Variants in ABCC1 observed in about 807,000 individuals in gnomAD.
ABCC1 encodes the protein ATP binding cassette subfamily C member 1 (ABCC1 blood group).
In ABCC1, 83 loss-of-function variants were observed where a neutral mutation model predicts 172.9. The observed-to-expected ratio is 0.48, with a 90% CI of 0.40 to 0.58. The LOEUF (loss-of-function observed/expected upper bound fraction) is 0.58. Ranked by LOEUF, ABCC1 falls within the 20% of genes least tolerant of loss-of-function variation. The probability of loss-of-function intolerance (pLI) is 0.00; values close to 1 mark genes in which losing one functional copy is unlikely to be tolerated. For synonymous variants in ABCC1, 937 were observed against 825.2 expected (o/e 1.14, Z -2.32); for missense variants, 1,817 against 2,002.7 (o/e 0.91, Z 1.77).
chr16:16,124,335 G>GTGTGTGTGTGTGTGTGTGTGTT, intron 24 of ABCC1, among the ~76,000 whole-genome samples: 1 of 87,984 alleles, frequency 1.1e-5, no homozygotes, highest in East Asian at 3.4e-4. Flanking sequence ...GTGTGTGTGT[G>GTGTGTGTGTGTGTGTGTGTGTT]TGTGTGTGTG....
At position 16,114,805 on chromosome 16, in the gene ABCC1, G is replaced by A. The variant is rs1294368184; in HGVS notation, c.3119G>A (p.Gly1040Glu). 6.2e-7 allele frequency: 1 copy of A among 1,607,788 alleles called. No homozygotes were observed. The highest frequency in any genetic ancestry group is 8.5e-7 in the Non-Finnish European group (1 of 1,174,784). Residue 1040 changes from glycine to glutamate, a missense_variant, in exon 23 of 31, where the codon GGG becomes GAG. Around this residue, in one of 3 missense-constraint regions of ABCC1, gnomAD observed 1,412 missense variants for 1,600.3 expected, o/e 0.88. Coordinates refer to ENST00000399410, the MANE Select transcript of ABCC1 (RefSeq NM_004996.4). Reference protein sequence around the residue: ...VFGYSMAVSIGGILASRCLHV... With the variant: ...VFGYSMAVSIEGILASRCLHV... ...GGCTACTCCATGGCCGTGTCCATCG[G>A]GGGGATCTTGGCTTCCCGCTGTCTG... is the stretch of plus-strand genomic sequence containing the variant.
chr16:15,974,004 T>C (rs1345932282), intron 1 of ABCC1, among the ~76,000 whole-genome samples: 1 of 151,966 alleles, frequency 6.6e-6, no homozygotes, highest in East Asian at 1.9e-4. Context: ...AATGTGCATA[T>C]GAATTCAAGA....
chr16:16,008,868 T>C (rs547216275), intron 2 of ABCC1, among the ~76,000 whole-genome samples: 1 of 145,526 alleles, frequency 6.9e-6, no homozygotes, highest in African/African-American at 2.6e-5. Context: ...AAAAAAAAGT[T>C]GCGATGATAC....
At chr16:16,012,981 C>G (rs1274018599) in intron 3 of ABCC1, among the ~76,000 whole-genome samples, 2 of 152,080 alleles carry the variant, frequency 1.3e-5, no homozygotes, top group Non-Finnish European at 1.5e-5. Context: ...CTGTGCCTGG[C>G]CGTTCCTGGT....
At chr16:16,066,592 C>A (rs1179565569) in intron 12 of ABCC1, among the ~76,000 whole-genome samples, 1 of 152,012 alleles carries the variant, frequency 6.6e-6, no homozygotes, top group East Asian at 1.9e-4. Context: ...TACATGTAGA[C>A]CCTTTCGAGT....
chr16:16,049,560 A>C (rs568288727), intron 10 of ABCC1, among the ~76,000 whole-genome samples: 1 of 152,260 alleles, frequency 6.6e-6, no homozygotes, highest in South Asian at 2.1e-4. Flanking sequence ...CCAAGGCTGT[A>C]ACAAACACTA....
intron 2 of ABCC1, among the ~76,000 whole-genome samples, chr16:16,008,364 C>T (rs933049104): frequency 2.6e-5 from 4 of 151,466 alleles, no homozygotes; most frequent in African/African-American, 9.7e-5. Context: ...TTTTTTCTGG[C>T]CAATTTTTAA....
chr16:16,134,143 C>T (rs2045819496), intron 27 of ABCC1, among the ~76,000 whole-genome samples: 1 of 152,134 alleles, frequency 6.6e-6, no homozygotes, highest in African/African-American at 2.4e-5. Context: ...CTTTTGGGAG[C>T]CTGGCAAAGG....
At chr16:15,985,122 A>G (rs2046714436) in intron 1 of ABCC1, among the ~76,000 whole-genome samples, 1 of 152,332 alleles carries the variant, frequency 6.6e-6, no homozygotes, top group East Asian at 1.9e-4. Context: ...ACAGAGTCAT[A>G]TATTTCCTAT....
intron 12 of ABCC1, among the ~76,000 whole-genome samples, chr16:16,060,815 C>T (rs2151929767): frequency 6.6e-6 from 1 of 152,038 alleles, no homozygotes; most frequent in East Asian, 1.9e-4. Flanking sequence ...AGCCACCGCG[C>T]CTGGACTCTC....
chr16:16,050,901 C>G (rs2049403665), intron 10 of ABCC1, among the ~76,000 whole-genome samples: 1 of 151,736 alleles, frequency 6.6e-6, no homozygotes, highest in Admixed American at 6.6e-5. Flanking sequence ...AAGACCCTGT[C>G]TCTAGAAGAA....
chr16:16,093,474 CA>C (rs1160221227), intron 19 of ABCC1, among the ~76,000 whole-genome samples: 1 of 152,072 alleles, frequency 6.6e-6, no homozygotes, highest in Non-Finnish European at 1.5e-5. Context: ...TACACATCAG[CA>C]CTTAATTTGG....
chr16:16,134,522 G>A lies in ABCC1; in HGVS notation c.4125+14G>A, dbSNP rs202116808. 40 of 1,613,872 alleles carry A rather than the reference G, an allele frequency of 2.5e-5. No homozygotes were observed. In the East Asian group the frequency reaches 8.7e-4, roughly 35 times the overall value. ...ATCATCCCCCAGGTGGGGTCTGGGT[G>A]TGGCCCAGGGGGTGAGCCAGAGCTG... On this transcript the variant is annotated intron_variant, in intron 28 of 30. Coordinates refer to ENST00000399410, the MANE Select transcript of ABCC1 (RefSeq NM_004996.4).
chr16:16,029,466 C>T (rs1472465268), intron 5 of ABCC1, among the ~76,000 whole-genome samples: 3 of 152,290 alleles, frequency 2.0e-5, no homozygotes, highest in East Asian at 1.9e-4. Context: ...CAAAGCAGTT[C>T]TCCCGCCTCA....
At chr16:15,982,090 C>A (rs546866896) in intron 1 of ABCC1, among the ~76,000 whole-genome samples, 1 of 152,278 alleles carries the variant, frequency 6.6e-6, no homozygotes, top group African/African-American at 2.4e-5. Flanking sequence ...GCGTTTTGGT[C>A]CAAGTCATTC....
At chr16:15,983,513 G>C (rs2046674732) in intron 1 of ABCC1, among the ~76,000 whole-genome samples, 1 of 150,114 alleles carries the variant, frequency 6.7e-6, no homozygotes, top group African/African-American at 2.5e-5. Flanking sequence ...GGTGTGGAAT[G>C]AACTGAGCAA....
intron 19 of ABCC1, among the ~76,000 whole-genome samples, chr16:16,097,638 G>A (rs1046605751): frequency 1.3e-5 from 2 of 152,192 alleles, no homozygotes. Context: ...CCCCTCTCAG[G>A]TCTGCTTTAG....
chr16:16,034,580 C>CTTTT (rs35163690), intron 6 of ABCC1, among the ~76,000 whole-genome samples: 59 of 84,680 alleles, frequency 7.0e-4, no homozygotes, highest in Non-Finnish European at 8.3e-4. Flanking sequence ...TGTATGTTAA[C>CTTTT]TTTTTTTTTT....
At chr16:16,016,063 C>CG (rs1485457643) in intron 4 of ABCC1, among the ~76,000 whole-genome samples, 2 of 150,904 alleles carry the variant, frequency 1.3e-5, no homozygotes, top group African/African-American at 2.4e-5. Context: ...CATTACATCC[C>CG]GGGGGGAGCT....
Sources: gnomAD v4.1 joint callset for allele counts (sites outside exome capture counted in the v4.1 genomes callset) on GRCh38, gnomAD v4.1.1 for gene constraint, gnomAD v4.1.1 regional missense constraint, MANE v1.5 for transcripts, NCBI Gene and HGNC (gene_info 2026-07-23, HGNC 2026-07-21) for gene names.